The following GTF3C1 variants were observed in gnomAD, a reference collection of about 807,000 sequenced individuals.
The protein encoded by GTF3C1 is general transcription factor IIIC subunit 1.
In GTF3C1, 57 loss-of-function variants were observed where a neutral mutation model predicts 226.7. The ratio of observed to expected loss-of-function variants is 0.25; its 90% CI spans 0.20 to 0.31. GTF3C1 has a LOEUF of 0.31. Among genes scored for constraint, GTF3C1 ranks in the 10% least tolerant of loss-of-function variants. GTF3C1 has a pLI of 1.00. For synonymous variants in GTF3C1, 1,090 were observed against 1,084.8 expected (o/e 1.00, Z -0.09); for missense variants, 2,217 against 2,776.1 (o/e 0.80, Z 4.53).
chr16:27,517,279 T>C (rs893870693), intron 6 of GTF3C1, among the ~76,000 whole-genome samples: 4 of 152,208 alleles, frequency 2.6e-5, no homozygotes, highest in Non-Finnish European at 5.9e-5. Context: ...TTTCAGTTTT[T>C]ATTATTAAAA....
rs116642799 is a variant in GTF3C1 at position 27,547,350 on chromosome 16, A to G, written c.222-1827T>C. On this transcript the variant is annotated intron_variant, in intron 1 of 36. Coordinates refer to ENST00000356183, the MANE Select transcript of GTF3C1 (RefSeq NM_001520.4). ...ACTCCCACGAAGCCAGATGTTTACT[A>G]ATTAAGACTCTTCACTTGGACAACT... Among the ~76,000 whole-genome samples the G allele has an allele frequency of 6.9e-3, 1,056 of 152,222 alleles. 15 individuals are homozygous for G. The highest frequency in any genetic ancestry group is 0.024 in the African/African-American group (1,002 of 41,504).
At chr16:27,498,608 C>A (rs372977534) in intron 13 of GTF3C1, 22 bp downstream of exon 13, 114 of 1,263,230 alleles carry the variant, frequency 9.0e-5, no homozygotes, top group Non-Finnish European at 1.1e-4. Context: ...GCTATGGGTT[C>A]TTCCCGGGCA....
chr16:27,494,383 A>G (rs1158220045), intron 16 of GTF3C1, among the ~76,000 whole-genome samples: 1 of 151,088 alleles, frequency 6.6e-6, no homozygotes, highest in Non-Finnish European at 1.5e-5. Flanking sequence ...CCTAGACGAC[A>G]GAGCAAGACT....
rs1368689343 is a variant in GTF3C1 at position 27,489,166 on chromosome 16, C to T, written c.3306G>A (p.Glu1102=). 6.2e-7 allele frequency: 1 copy of T among 1,614,164 alleles called. No individual in the cohort carries two copies. Among genetic ancestry groups the T allele is most frequent in the South Asian group, 1.1e-5 (1 of 91,088 alleles). Residue 1102 remains glutamate (E), a synonymous_variant, in exon 21 of 37, where the codon GAG becomes GAA. Transcript: ENST00000356183. ...AMLEYTTGSR[E]VVDEGLIPGD... ...CAGGGATCAAGCCTTCATCCACCAC[C>T]TCACGGCTTCCACTAAAAGACAGGA... is the stretch of plus-strand genomic sequence containing the variant.
chr16:27,488,325 G>C lies in GTF3C1; in HGVS notation c.3602C>G (p.Pro1201Arg). 1 of 1,614,092 alleles carries C rather than the reference G, an allele frequency of 6.2e-7. No individual in the cohort carries two copies. Among genetic ancestry groups the C allele is most frequent in the Admixed American group, 1.7e-5 (1 of 60,026 alleles). Residue 1201 changes from proline to arginine, a missense_variant, in exon 23 of 37, where the codon CCC (proline) becomes CGC (arginine). Physicochemically the swap from Pro to Arg is moderately radical, Grantham distance 103. Around this residue, in one of 12 missense-constraint regions of GTF3C1, gnomAD observed 546 missense variants for 663.0 expected, o/e 0.82. Transcript: ENST00000356183. ...WEEQFEVDRE[P>R]SLDRNRRVRG... is the part of the protein sequence containing the mutation. ...CACTCTCCGGTTTCGGTCCAGCGAG[G>C]GCTCTCGGTCCACCTCAAACTGCTC...
At chr16:27,467,976 C>G (rs568577871) in intron 32 of GTF3C1, among the ~76,000 whole-genome samples, 1 of 152,140 alleles carries the variant, frequency 6.6e-6, no homozygotes, top group Non-Finnish European at 1.5e-5. Flanking sequence ...AAAGGAGCCA[C>G]CATTCTAGAT....
At chr16:27,537,369 C>T (rs1682315164) in intron 4 of GTF3C1, among the ~76,000 whole-genome samples, 1 of 152,070 alleles carries the variant, frequency 6.6e-6, no homozygotes. Flanking sequence ...ATAACAAATG[C>T]CATTTTTTAA....
chr16:27,475,239 GTC>G (rs2087934037), intron 29 of GTF3C1, among the ~76,000 whole-genome samples: 1 of 152,338 alleles, frequency 6.6e-6, no homozygotes, highest in East Asian at 1.9e-4. Context: ...CTTGACTGGA[GTC>G]TCTGAGAATA....
chr16:27,526,652 C>T (rs145569686), intron 6 of GTF3C1, among the ~76,000 whole-genome samples: 1 of 152,352 alleles, frequency 6.6e-6, no homozygotes, highest in East Asian at 1.9e-4. Context: ...TCTGGTCAGT[C>T]AGTCGCCATT....
In GTF3C1 at chr16:27,463,430, G is replaced by A; in HGVS notation, c.5924+111C>T. On this transcript the variant is annotated intron_variant, in intron 35 of 36. Transcript: ENST00000356183. This position sits in a 1 kb window ranked among gnomAD's most constrained non-coding sequence, Gnocchi z 4.9. ...CAAGAACCAAGGTGCCGGGCAGGCT[G>A]TCAGAGCTGGTACCTGGGGAAAGAC... The A allele has an allele frequency of 2.8e-6, 2 of 724,066 alleles. No individual in the cohort carries two copies. Among genetic ancestry groups the A allele is most frequent in the Non-Finnish European group, 4.9e-6 (2 of 404,162 alleles). The allele number at this position is 724,066 out of a possible 1,614,324, so 44.9% of individuals were successfully genotyped here.
rs1193986202 is a variant in GTF3C1 at position 27,515,762 on chromosome 16, C to A, written c.974-3861G>T. ...AATGGGATGACAGTGTTCTCTGTCT[C>A]ACGGGGTTAATGTTAGCATGGCTGA... On this transcript the variant is annotated intron_variant, in intron 6 of 36. Coordinates refer to ENST00000356183, the MANE Select transcript of GTF3C1 (RefSeq NM_001520.4). Among the ~76,000 whole-genome samples the A allele has an allele frequency of 3.9e-5, 6 of 152,336 alleles. No homozygotes were observed. The East Asian group carries it at 1.2e-3, about 29-fold the overall frequency.
rs774671015 is a variant in GTF3C1 at position 27,497,791 on chromosome 16, T to C, written c.2196A>G (p.Gln732=). The part of the protein sequence containing the change: ...RVKTSQPPVP[Q]GEAEEDSQGK... ...CTTGACTGTCTTCTTCTGCCTCCCC[T>C]TGGGGCACTGGAGGCTGGGAAGTTT... The change falls in exon 14 of 37, where the codon CAA becomes CAG. Residue 732 remains glutamine, a synonymous_variant. Transcript: ENST00000356183. 1.9e-6 allele frequency: 3 copies of C among 1,613,778 alleles called. No homozygotes were observed. The highest frequency in any genetic ancestry group is 1.1e-5 in the South Asian group (1 of 91,054).
intron 6 of GTF3C1, 124 bp from the exon 7 acceptor site, chr16:27,512,025 T>A: frequency 9.8e-7 from 1 of 1,022,272 alleles, no homozygotes; most frequent in Non-Finnish European, 1.4e-6. Flanking sequence ...AGGTCACACA[T>A]ATCACCGTGT....
chr16:27,464,946 G>C (rs2087763187), intron 33 of GTF3C1, 110 bp from the exon 34 acceptor site: 2 of 920,806 alleles, frequency 2.2e-6, no homozygotes, highest in Admixed American at 5.9e-5. Flanking sequence ...AGTGCCCTGA[G>C]CAGCCCAGGC....
intron 6 of GTF3C1, among the ~76,000 whole-genome samples, chr16:27,527,860 G>A (rs1033435538): frequency 2.6e-5 from 4 of 152,050 alleles, no homozygotes; most frequent in Non-Finnish European, 5.9e-5. Flanking sequence ...AAAATTAGTC[G>A]GGTGTGGTGA....
At position 27,492,593 on chromosome 16, in the gene GTF3C1, T is replaced by C. The variant is rs763611967; in HGVS notation, c.2973+24A>G. ...GACCGTTTAACAATCAGAATTTCCT[T>C]CGTTTGGGCTTGAGGGACATTACCT... On this transcript the variant is annotated intron_variant, in intron 18 of 36. Coordinates refer to ENST00000356183, the MANE Select transcript of GTF3C1 (RefSeq NM_001520.4). This position sits in a 1 kb window ranked among gnomAD's most constrained non-coding sequence, Gnocchi z 5.0. 3.2e-6 allele frequency: 5 copies of C among 1,558,172 alleles called. No individual in the cohort carries two copies. Among genetic ancestry groups the C allele is most frequent in the Non-Finnish European group, 4.4e-6 (5 of 1,129,044 alleles).
At chr16:27,535,502 G>C (rs1447741033) in intron 4 of GTF3C1, among the ~76,000 whole-genome samples, 1 of 151,598 alleles carries the variant, frequency 6.6e-6, no homozygotes. Context: ...TTGAACCTAG[G>C]AGGCAAAGGT....
intron 6 of GTF3C1, among the ~76,000 whole-genome samples, chr16:27,513,825 C>T (rs1036899906): frequency 2.6e-5 from 4 of 152,202 alleles, no homozygotes; most frequent in Non-Finnish European, 4.4e-5. Flanking sequence ...CTGGGTGCTA[C>T]GGCAAGGAGT....
intron 5 of GTF3C1, among the ~76,000 whole-genome samples, chr16:27,532,233 T>A (rs2088927173): frequency 6.6e-6 from 1 of 152,168 alleles, no homozygotes; most frequent in South Asian, 2.1e-4. Flanking sequence ...ACCACTGCTT[T>A]AAAGAGGCTT....
Sources: allele counts gnomAD v4.1 joint callset (sites outside exome capture counted in the v4.1 genomes callset), GRCh38; gene constraint gnomAD v4.1.1; regional missense constraint gnomAD v4.1.1; non-coding constraint Gnocchi (gnomAD v3.1); transcripts MANE v1.5; gene names NCBI Gene and HGNC (gene_info 2026-07-23, HGNC 2026-07-21).